Variants in THAP6 observed in about 807,000 individuals in gnomAD.
THAP6 encodes THAP domain containing 6.
In THAP6, 13 loss-of-function variants were observed where a neutral mutation model predicts 20.0. The ratio of observed to expected loss-of-function variants is 0.65; its 90% CI spans 0.42 to 1.03. The LOEUF is 1.03. THAP6 is among the 50% of genes least tolerant of loss of function. THAP6 has a pLI of 0.00. For missense variants in THAP6, 262 were observed against 261.6 expected (o/e 1.00, Z -0.01); for synonymous variants, 93 against 92.2 (o/e 1.01, Z -0.05).
Position 75,527,807 on chromosome 4 carries a change from A to G in THAP6, c.*593A>G. The G allele has an allele frequency of 1.0e-6, 1 of 986,146 alleles. No homozygotes were observed. Among genetic ancestry groups the G allele is most frequent in the Non-Finnish European group, 1.2e-6 (1 of 830,450 alleles). The allele number at this position is 986,146 out of a possible 1,614,324, so 61.1% of individuals were successfully genotyped here. On this transcript the variant is annotated 3_prime_UTR_variant, in exon 5 of 5. Coordinates refer to ENST00000311638, the MANE Select transcript of THAP6 (RefSeq NM_144721.6). ...AAAATTGTTCACAGCCAATTTAAGA[A>G]GACCCCTCATGAAGTCTCAGTTTTC...
At chr4:75,535,869 T>C (rs1398832016) in intron 2 of THAP6, among the ~76,000 whole-genome samples, 5 of 152,186 alleles carry the variant, frequency 3.3e-5, no homozygotes, top group Admixed American at 1.3e-4. Context: ...TTTCTGTACA[T>C]TGCAATCTAC....
rs17000621 is a variant in THAP6, at chr4:75,542,820, C to A, written c.243+334C>A. ...CTGAACATTCACAATGTCTTAAAGG[C>A]CAGACTTCAGTCACTCCATTTGGAA... On this transcript the variant is annotated intron_variant, in intron 3 of 4. Coordinates refer to the THAP6 transcript ENST00000502620. The A allele has an allele frequency of 1.6e-5, 3 of 192,386 alleles. No homozygotes were observed. The South Asian group carries it at 4.2e-4, about 27-fold the overall frequency. The allele number at this position is 192,386 out of a possible 1,614,324, so 11.9% of individuals were successfully genotyped here.
chr4:75,519,696 T>C (rs1725891550), intron 3 of THAP6, among the ~76,000 whole-genome samples: 1 of 152,132 alleles, frequency 6.6e-6, no homozygotes, highest in African/African-American at 2.4e-5. Flanking sequence ...CCATGGTGTA[T>C]ATGTGCCACA....
intron 2 of THAP6, among the ~76,000 whole-genome samples, chr4:75,538,971 C>T (rs1010426039): frequency 6.6e-6 from 1 of 152,196 alleles, no homozygotes; most frequent in African/African-American, 2.4e-5. Flanking sequence ...ATGCTGAGAA[C>T]CTAGCACATT....
At chr4:75,522,154 A>T (rs931367995) in intron 4 of THAP6, 19 of 395,430 alleles carry the variant, frequency 4.8e-5, no homozygotes, top group Non-Finnish European at 4.9e-5. Flanking sequence ...AATATGTAAT[A>T]AAAAATAGCT....
chr4:75,545,196 G>A (rs1727098406), intron 3 of THAP6, among the ~76,000 whole-genome samples: 1 of 152,174 alleles, frequency 6.6e-6, no homozygotes, highest in Non-Finnish European at 1.5e-5. Flanking sequence ...ACTGGTCCAA[G>A]GTCCTGCAGC....
chr4:75,516,340 G>A (rs1282451845), intron 2 of THAP6, among the ~76,000 whole-genome samples: 1 of 152,172 alleles, frequency 6.6e-6, no homozygotes, highest in Non-Finnish European at 1.5e-5. Context: ...ATTAAATGCT[G>A]TACTAAGCAA....
At chr4:75,546,937 G>T (rs1727139457) in intron 3 of THAP6, among the ~76,000 whole-genome samples, 1 of 152,182 alleles carries the variant, frequency 6.6e-6, no homozygotes, top group African/African-American at 2.4e-5. Flanking sequence ...GGGTACTAAA[G>T]CCCAGCCAAG....
At position 75,543,382 on chromosome 4, in the gene THAP6, G is replaced by A. The variant is rs546713358; in HGVS notation, c.243+896G>A. Among the ~76,000 whole-genome samples the A allele has an allele frequency of 1.1e-4, 16 of 152,298 alleles. 1 individual carries two copies. The South Asian group carries it at 3.1e-3, about 30-fold the overall frequency. On this transcript the variant is annotated intron_variant, in intron 3 of 4. Coordinates refer to the THAP6 transcript ENST00000502620. Reference sequence around the variant, plus strand: ...GCTTCAGGTACAGCTGGATCTAGGAGTTCAAATGATGTTTTCAGAATCTGG... The same window carrying A: ...GCTTCAGGTACAGCTGGATCTAGGAATTCAAATGATGTTTTCAGAATCTGG...
At chr4:75,516,117 G>C (rs1252931377) in intron 2 of THAP6, among the ~76,000 whole-genome samples, 1 of 152,196 alleles carries the variant, frequency 6.6e-6, no homozygotes, top group Non-Finnish European at 1.5e-5. Context: ...CTATGTGTTA[G>C]AGAAAGATCT....
intron 2 of THAP6, among the ~76,000 whole-genome samples, chr4:75,516,568 T>C (rs1418696467): frequency 6.6e-6 from 1 of 152,240 alleles, no homozygotes; most frequent in Non-Finnish European, 1.5e-5. Context: ...GAGGGCCATA[T>C]ATCTGCAGCA....
intron 2 of THAP6, among the ~76,000 whole-genome samples, 196 bp from the exon 3 acceptor site, chr4:75,516,576 G>A (rs979097826): frequency 1.3e-5 from 2 of 152,174 alleles, no homozygotes; most frequent in African/African-American, 2.4e-5. Flanking sequence ...TATATCTGCA[G>A]CATGATTGGC....
In THAP6 at chr4:75,527,530, T is replaced by C. The variant is rs1285852813; in HGVS notation, c.*316T>C. 3 of 1,113,520 alleles carry C rather than the reference T, an allele frequency of 2.7e-6. No homozygotes were observed. In the African/African-American group the frequency reaches 4.8e-5, roughly 18 times the overall value. 69.0% of individuals were successfully genotyped at this position (1,113,520 alleles called of 1,614,324 possible). A position where few individuals can be genotyped will look rare whatever the true frequency, so the allele number is the denominator to read the frequency against. ...TCAAATTAGTCACATTAAGCTATAGTAGAAGGAATTGGACACTTCTCCAGA... is the reference window on the plus strand; with the variant it reads ...TCAAATTAGTCACATTAAGCTATAGCAGAAGGAATTGGACACTTCTCCAGA... On this transcript the variant is annotated 3_prime_UTR_variant, in exon 5 of 5. Coordinates refer to ENST00000311638, the MANE Select transcript of THAP6 (RefSeq NM_144721.6).
downstream of THAP6, among the ~76,000 whole-genome samples, chr4:75,532,034 T>C (rs1045375083): frequency 1.3e-5 from 2 of 152,116 alleles, no homozygotes; most frequent in Non-Finnish European, 2.9e-5. Context: ...CAATCATGCC[T>C]TTCCAACAGT....
chr4:75,544,739 C>G (rs1359903515), intron 3 of THAP6: 1 of 152,028 alleles, frequency 6.6e-6, no homozygotes, highest in Non-Finnish European at 1.5e-5. Context: ...TAATCTCCCT[C>G]CAAACATTGT....
At chr4:75,522,748 TG>T (rs1222473576) in intron 4 of THAP6, among the ~76,000 whole-genome samples, 1 of 152,226 alleles carries the variant, frequency 6.6e-6, no homozygotes, top group Non-Finnish European at 1.5e-5. Context: ...CATTTCTATC[TG>T]TGTTGTTACA....
chr4:75,529,565 A>G lies in THAP6; in HGVS notation c.*2351A>G. 5.1e-6 allele frequency: 5 copies of G among 985,484 alleles called. No individual in the cohort carries two copies. The highest frequency in any genetic ancestry group is 5.2e-4 in the Middle Eastern group (1 of 1,914). The allele number at this position is 985,484 out of a possible 1,614,324, so 61.0% of individuals were successfully genotyped here. On this transcript the variant is annotated 3_prime_UTR_variant, in exon 5 of 5. Coordinates refer to ENST00000311638, the MANE Select transcript of THAP6 (RefSeq NM_144721.6). ...AAAATAGGGTCCTCCCTGCTGCTCC[A>G]AACAAATGCCTAAACACAGTATGTA...
rs1203549233 is a variant in THAP6 at position 75,527,880 on chromosome 4, A to G, written c.*666A>G. The G allele has an allele frequency of 1.0e-6, 1 of 985,344 alleles. No homozygotes were observed. The highest frequency in any genetic ancestry group is 1.2e-6 in the Non-Finnish European group (1 of 829,944). 61.0% of individuals were successfully genotyped at this position (985,344 alleles called of 1,614,324 possible). A position where few individuals can be genotyped will look rare whatever the true frequency, so the allele number is the denominator to read the frequency against. On this transcript the variant is annotated 3_prime_UTR_variant, in exon 5 of 5. Transcript: ENST00000311638. ...CACTAGGAGCACTTTGATGTAAACC[A>G]GAATAGCTTTAAAAAGACAAAAAGG... is the stretch of plus-strand genomic sequence containing the variant.
At chr4:75,535,584 C>T (rs1282529746) in intron 2 of THAP6, among the ~76,000 whole-genome samples, 1 of 152,146 alleles carries the variant, frequency 6.6e-6, no homozygotes, top group Non-Finnish European at 1.5e-5. Flanking sequence ...ATATGTCAAC[C>T]AACTTCAGAG....
Sources: gnomAD v4.1 joint callset for allele counts (sites outside exome capture counted in the v4.1 genomes callset) on GRCh38, gnomAD v4.1.1 for gene constraint, MANE v1.5 for transcripts, NCBI Gene and HGNC (gene_info 2026-07-23, HGNC 2026-07-21) for gene names.